Variants in PAIP2B observed in about 807,000 individuals in gnomAD.
PAIP2B encodes the protein polyadenylate-binding protein-interacting protein 2B.
Under a neutral mutation model 17.0 loss-of-function variants are expected in PAIP2B, and 13 were observed. That is an observed-to-expected ratio of 0.76 (90% CI 0.50 to 1.22). The LOEUF is 1.22. Ranked by LOEUF, PAIP2B falls within the 50% of genes most tolerant of loss-of-function variation. The pLI, the probability that PAIP2B is intolerant of heterozygous loss-of-function variation, is 0.00. For synonymous variants in PAIP2B, 43 were observed against 48.7 expected (o/e 0.88, Z 0.48); for missense variants, 117 against 144.5 (o/e 0.81, Z 0.98).
Position 71,186,317 on chromosome 2 carries a change from C to T in PAIP2B, c.*2162G>A, listed in dbSNP as rs955861571. Reference sequence around the variant, plus strand: ...AAGAGGAACCGCCGGAAGCAGAGTCCTATGCATTTAAAAAAGAATCAATTT... The same window carrying T: ...AAGAGGAACCGCCGGAAGCAGAGTCTTATGCATTTAAAAAAGAATCAATTT... On this transcript the variant is annotated 3_prime_UTR_variant, in exon 4 of 4. Coordinates refer to ENST00000244221, the MANE Select transcript of PAIP2B (RefSeq NM_020459.1). 6.6e-6 allele frequency: 1 copy of T among 152,208 alleles called. No individual in the cohort carries two copies. Among genetic ancestry groups the T allele is most frequent in the African/African-American group, 2.4e-5 (1 of 41,442 alleles). 9.4% of individuals were successfully genotyped at this position (152,208 alleles called of 1,614,324 possible).
At chr2:71,213,614 T>C (rs1039653303) in intron 1 of PAIP2B, among the ~76,000 whole-genome samples, 8 of 152,212 alleles carry the variant, frequency 5.3e-5, no homozygotes, top group African/African-American at 1.9e-4. Context: ...CTTCCAATTT[T>C]CAGTAAGACT....
intron 2 of PAIP2B, among the ~76,000 whole-genome samples, chr2:71,195,494 T>C (rs999550181): frequency 2.6e-5 from 4 of 152,244 alleles, no homozygotes; most frequent in Non-Finnish European, 4.4e-5. Flanking sequence ...CTAGGTTTTC[T>C]AGTTCATGTG....
rs568644717 is a variant in PAIP2B at position 71,221,811 on chromosome 2, C to T, written c.-12+5117G>A. Reference sequence around the variant, plus strand: ...GAGTGGGGACTTGGGGAACTTTCCTCTTACAAGAGGATTGTAAAATGCACC... The same window carrying T: ...GAGTGGGGACTTGGGGAACTTTCCTTTTACAAGAGGATTGTAAAATGCACC... On this transcript the variant is annotated intron_variant, in intron 1 of 3. Transcript: ENST00000244221. Among the ~76,000 whole-genome samples, 6 of 152,268 alleles carry T rather than the reference C, an allele frequency of 3.9e-5. No homozygotes were observed. In the South Asian group the frequency reaches 1.2e-3, roughly 32 times the overall value.
chr2:71,197,737 G>A (rs1026030262), intron 2 of PAIP2B, among the ~76,000 whole-genome samples: 12 of 152,228 alleles, frequency 7.9e-5, no homozygotes, highest in Admixed American at 5.2e-4. Flanking sequence ...GTAAGGAGGA[G>A]CAAGTCACAT....
intron 2 of PAIP2B, among the ~76,000 whole-genome samples, chr2:71,192,021 C>T (rs1674699865): frequency 6.6e-6 from 1 of 151,040 alleles, no homozygotes; most frequent in Non-Finnish European, 1.5e-5. Flanking sequence ...CTGCATATAG[C>T]TGCTGTTTCC....
chr2:71,210,906 C>G (rs970920104), intron 1 of PAIP2B, among the ~76,000 whole-genome samples: 2 of 152,104 alleles, frequency 1.3e-5, no homozygotes, highest in Non-Finnish European at 2.9e-5. Flanking sequence ...AGTCCCTGGA[C>G]CAGACCCAAG....
intron 1 of PAIP2B, among the ~76,000 whole-genome samples, chr2:71,222,243 A>T (rs376867697): frequency 2.6e-5 from 4 of 152,168 alleles, no homozygotes; most frequent in South Asian, 4.1e-4. Flanking sequence ...ACAAAAAAGC[A>T]TATCTGTAGC....
chr2:71,215,847 CTGTGTATCTATGTGTG>C (rs1182158357), intron 1 of PAIP2B, among the ~76,000 whole-genome samples: 1 of 152,150 alleles, frequency 6.6e-6, no homozygotes, highest in African/African-American at 2.4e-5. Flanking sequence ...CTTTATATAT[CTGTGTATCTATGTGTG>C]TGTGTATCTA....
At chr2:71,190,245 A>G (rs357775) in intron 2 of PAIP2B, among the ~76,000 whole-genome samples, 9,856 of 151,922 alleles carry the variant, frequency 0.065, 353 homozygotes, top group African/African-American at 0.088. Context: ...ACATAGCATG[A>G]CCCTGCCTCT....
At chr2:71,197,686 T>C (rs972171063) in intron 2 of PAIP2B, among the ~76,000 whole-genome samples, 1 of 152,238 alleles carries the variant, frequency 6.6e-6, no homozygotes, top group African/African-American at 2.4e-5. Flanking sequence ...TATAGTTTCA[T>C]GTGGCTGGGG....
intron 1 of PAIP2B, among the ~76,000 whole-genome samples, chr2:71,207,780 C>T (rs761785698): frequency 6.6e-6 from 1 of 152,182 alleles, no homozygotes; most frequent in East Asian, 1.9e-4. Flanking sequence ...AATTTTGGCA[C>T]AAGCAACTGG....
At chr2:71,211,893 T>C (rs187317209) in intron 1 of PAIP2B, among the ~76,000 whole-genome samples, 1 of 152,326 alleles carries the variant, frequency 6.6e-6, no homozygotes, top group African/African-American at 2.4e-5. Flanking sequence ...CAAAAGTCAG[T>C]GGCAAGATCT....
At position 71,183,517 on chromosome 2, in the gene PAIP2B, A is replaced by T. The variant is rs1242291020; in HGVS notation, c.*4962T>A. ...CCTACGTTCGGAGGGTTCCGTTTAG[A>T]CAACAGGAAGTTGGAATCCAAGTTT... On this transcript the variant is annotated 3_prime_UTR_variant, in exon 4 of 4. Transcript: ENST00000244221. 7.4e-6 allele frequency: 1 copy of T among 136,048 alleles called. No homozygotes were observed. Among genetic ancestry groups the T allele is most frequent in the Non-Finnish European group, 1.6e-5 (1 of 64,378 alleles). 8.4% of individuals were successfully genotyped at this position (136,048 alleles called of 1,614,324 possible).
At position 71,189,832 on chromosome 2, in the gene PAIP2B, A is replaced by C. The variant is rs1262915667; in HGVS notation, c.315+13T>G. 2 of 1,546,700 alleles carry C rather than the reference A, an allele frequency of 1.3e-6. No individual in the cohort carries two copies. Among genetic ancestry groups the C allele is most frequent in the Non-Finnish European group, 1.7e-6 (2 of 1,144,110 alleles). On this transcript the variant is annotated intron_variant, in intron 3 of 3. Coordinates refer to ENST00000244221, the MANE Select transcript of PAIP2B (RefSeq NM_020459.1). Reference sequence around the variant, plus strand: ...TTCACTACATAACCTGGGGAACTACATATGGCTCTTACCAAAATATCTTCA... The same window carrying C: ...TTCACTACATAACCTGGGGAACTACCTATGGCTCTTACCAAAATATCTTCA...
chr2:71,202,532 C>T lies in PAIP2B; in HGVS notation c.58G>A (p.Gly20Arg). 6.2e-7 allele frequency: 1 copy of T among 1,613,792 alleles called. No individual in the cohort carries two copies. Among genetic ancestry groups the T allele is most frequent in the Non-Finnish European group, 8.5e-7 (1 of 1,179,752 alleles). Residue 20 changes from glycine to arginine, a missense_variant, in exon 2 of 4, where the codon GGG (glycine) becomes AGG (arginine). Transcript: ENST00000244221. ...TCCTTTTCATCGTGCCCACTTAACC[C>T]CTGGTCCTCTTTGGATTTTACACTC... ...SPSVKSKEDQ[G>R]LSGHDEKENP...
At chr2:71,209,555 C>T (rs1572932962) in intron 1 of PAIP2B, among the ~76,000 whole-genome samples, 1 of 152,124 alleles carries the variant, frequency 6.6e-6, no homozygotes, top group Non-Finnish European at 1.5e-5. Flanking sequence ...AAGATTTTAT[C>T]CATTACAAAG....
intron 1 of PAIP2B, among the ~76,000 whole-genome samples, chr2:71,215,410 GA>G (rs1675403332): frequency 6.6e-6 from 1 of 152,196 alleles, no homozygotes; most frequent in Non-Finnish European, 1.5e-5. Context: ...TCGTTTTCTA[GA>G]AAACAGTCTG....
At chr2:71,190,200 G>A (rs1157107544) in intron 2 of PAIP2B, among the ~76,000 whole-genome samples, 179 bp from the exon 3 acceptor site, 1 of 152,084 alleles carries the variant, frequency 6.6e-6, no homozygotes, top group East Asian at 1.9e-4. Context: ...CAGGAGGATT[G>A]CTTGAGGCCA....
Position 71,218,294 on chromosome 2 carries a change from G to T in PAIP2B, c.-12+8634C>A, listed in dbSNP as rs117872140. Among the ~76,000 whole-genome samples the T allele has an allele frequency of 1.4e-3, 206 of 151,052 alleles. 7 individuals are homozygous for T. In the East Asian group the frequency reaches 0.035, roughly 26 times the overall value. ...ATAAAGAAATCTTTAAAATTACTCA[G>T]AAAAAGAAAAATGATAAAAAAGATA... is the stretch of plus-strand genomic sequence containing the variant. On this transcript the variant is annotated intron_variant, in intron 1 of 3. Coordinates refer to ENST00000244221, the MANE Select transcript of PAIP2B (RefSeq NM_020459.1).
Sources: allele counts gnomAD v4.1 joint callset (sites outside exome capture counted in the v4.1 genomes callset), GRCh38; gene constraint gnomAD v4.1.1; transcripts MANE v1.5; gene names NCBI Gene and HGNC (gene_info 2026-07-23, HGNC 2026-07-21).